The following LRRIQ1 variants were observed in gnomAD, a reference collection of about 807,000 sequenced individuals.
The protein encoded by LRRIQ1 is leucine rich repeats and IQ motif containing 1, also known as leucine-rich repeat- and IQ domain-containing protein 1.
Under a neutral mutation model 211.9 loss-of-function variants are expected in LRRIQ1, and 210 were observed. That is an observed-to-expected ratio of 0.99 (90% CI 0.89 to 1.11). LRRIQ1 has a LOEUF of 1.11. LRRIQ1 is among the 50% of genes most tolerant of loss of function. The pLI is 0.00. For missense variants in LRRIQ1, 2,136 were observed against 1,939.5 expected (o/e 1.10, Z -1.90); for synonymous variants, 699 against 650.1 (o/e 1.08, Z -1.14).
chr12:85,113,749 G>A (rs532411500), intron 15 of LRRIQ1, among the ~76,000 whole-genome samples: 107 of 152,196 alleles, frequency 7.0e-4, no homozygotes, highest in Non-Finnish European at 1.1e-3. Flanking sequence ...ATCAGGAATT[G>A]TGAAACTACA....
rs1230572799 is a variant in LRRIQ1 at position 85,226,129 on chromosome 12, A to G, written c.4823-3388A>G. Among the ~76,000 whole-genome samples the G allele has an allele frequency of 5.3e-5, 8 of 152,248 alleles. No individual in the cohort carries two copies. The East Asian group carries it at 1.5e-3, about 29-fold the overall frequency. ...GAACTTTGGCTGAGTTTTGATGTAA[A>G]ATTACTTAGTGTTTATGAAGTGTTA... On this transcript the variant is annotated intron_variant, in intron 24 of 26. Transcript: ENST00000393217.
rs1336813880 is a variant in LRRIQ1, at chr12:85,046,034, A to AG, written c.352dup (p.Glu118GlyfsTer9). The AG allele has an allele frequency of 6.2e-7, 1 of 1,604,318 alleles. No individual in the cohort carries two copies. The highest frequency in any genetic ancestry group is 1.3e-5 in the African/African-American group (1 of 74,738). ...TAACCTCTTAGATATTATCTGAAAT[A>AG]GAAAAAGAAGAATTTATGAGAAGTA... On this transcript the variant is annotated frameshift_variant, in exon 5 of 27. Transcript: ENST00000393217. LOFTEE classifies it high-confidence loss of function.
chr12:85,146,292 A>T (rs2660460), intron 19 of LRRIQ1, among the ~76,000 whole-genome samples: 85,787 of 151,558 alleles, frequency 0.57, 25,415 homozygotes, highest in African/African-American at 0.75. Flanking sequence ...CTAGGTGGTA[A>T]TTGTCCACCC....
intron 8 of LRRIQ1, among the ~76,000 whole-genome samples, chr12:85,063,016 G>A (rs772930144): frequency 7.9e-5 from 12 of 151,650 alleles, no homozygotes; most frequent in Non-Finnish European, 1.3e-4. Flanking sequence ...AAACATCTCT[G>A]TTCATGTTCT....
intron 6 of LRRIQ1, chr12:85,048,567 A>G (rs533649009): frequency 6.6e-6 from 1 of 152,144 alleles, no homozygotes; most frequent in African/African-American, 2.4e-5. Flanking sequence ...TCAAAAAAAA[A>G]AAAAAAGAAA....
At chr12:85,246,131 T>C (rs1330253835), downstream of LRRIQ1, among the ~76,000 whole-genome samples, 3 of 151,274 alleles carry the variant, frequency 2.0e-5, no homozygotes, top group East Asian at 3.9e-4. Context: ...ACATCTAATT[T>C]TGAAATATTT....
intron 23 of LRRIQ1, among the ~76,000 whole-genome samples, chr12:85,156,115 T>TA (rs1890530085): frequency 6.6e-6 from 1 of 151,796 alleles, no homozygotes; most frequent in Non-Finnish European, 1.5e-5. Flanking sequence ...TGGGGACTGT[T>TA]ACTCCAATAA....
chr12:85,164,152 C>G (rs1287515803), intron 24 of LRRIQ1, among the ~76,000 whole-genome samples: 1 of 152,142 alleles, frequency 6.6e-6, no homozygotes, highest in Non-Finnish European at 1.5e-5. Flanking sequence ...GAACTCAAAA[C>G]AATTTCTTGG....
intron 1 of LRRIQ1, among the ~76,000 whole-genome samples, chr12:85,257,088 AT>A (rs1303019701): frequency 2.1e-5 from 2 of 96,334 alleles, no homozygotes; most frequent in Admixed American, 1.6e-4. Context: ...ATATAATTAT[AT>A]TATATAATTA....
At chr12:85,272,423 A>G in the LRRIQ1 span, among the ~76,000 whole-genome samples, 5 of 152,200 alleles carry the variant, frequency 3.3e-5, no homozygotes, top group Non-Finnish European at 5.9e-5. Flanking sequence ...AAAATAGCAT[A>G]TATGAATCAA....
chr12:85,270,816 A>C, the LRRIQ1 span, among the ~76,000 whole-genome samples: 1 of 152,184 alleles, frequency 6.6e-6, no homozygotes, highest in Non-Finnish European at 1.5e-5. Flanking sequence ...ACATTGAATC[A>C]GAATCTCAGC....
chr12:85,171,671 T>A lies in LRRIQ1; in HGVS notation c.4822+10957T>A, dbSNP rs190857588. On this transcript the variant is annotated intron_variant, in intron 24 of 26. Transcript: ENST00000393217. ...TTTGACTGTATTTGGAGTTAGGAAC[T>A]GAAAGAGGTAATTGAGATAAAATTC... Among the ~76,000 whole-genome samples, 53 of 152,264 alleles carry A rather than the reference T, an allele frequency of 3.5e-4. No individual in the cohort carries two copies. In the East Asian group the frequency reaches 5.8e-3, roughly 17 times the overall value.
chr12:85,179,336 C>A (rs1891869952), intron 24 of LRRIQ1, among the ~76,000 whole-genome samples: 1 of 151,902 alleles, frequency 6.6e-6, no homozygotes, highest in Non-Finnish European at 1.5e-5. Context: ...TGTCCTTGTG[C>A]AGTGCTTTTC....
intron 11 of LRRIQ1, among the ~76,000 whole-genome samples, chr12:85,073,394 C>G (rs1883301605): frequency 6.6e-6 from 1 of 151,928 alleles, no homozygotes; most frequent in South Asian, 2.1e-4. Context: ...AATATTTTTA[C>G]TTTAAAATTT....
intron 11 of LRRIQ1, among the ~76,000 whole-genome samples, chr12:85,086,114 A>G (rs949772990): frequency 6.6e-6 from 1 of 152,070 alleles, no homozygotes; most frequent in African/African-American, 2.4e-5. Context: ...TGACTTTCTT[A>G]CTAATGGCCA....
intron 24 of LRRIQ1, among the ~76,000 whole-genome samples, chr12:85,206,987 C>T (rs1403553528): frequency 1.3e-5 from 2 of 152,142 alleles, no homozygotes; most frequent in Non-Finnish European, 2.9e-5. Flanking sequence ...CCACACCAAA[C>T]CCTTGGAGCT....
At chr12:85,134,605 T>A (rs1888994314) in intron 18 of LRRIQ1, among the ~76,000 whole-genome samples, 1 of 152,056 alleles carries the variant, frequency 6.6e-6, no homozygotes, top group Non-Finnish European at 1.5e-5. Context: ...TGCATTTCCA[T>A]CAAGAATCGT....
At chr12:85,059,484 G>A (rs550325091) in intron 8 of LRRIQ1, among the ~76,000 whole-genome samples, 6 of 151,972 alleles carry the variant, frequency 3.9e-5, no homozygotes, top group Non-Finnish European at 7.4e-5. Flanking sequence ...GCTCCCTGCC[G>A]TTGCCTGACA....
At chr12:85,239,391 A>G (rs867040626) in intron 26 of LRRIQ1, among the ~76,000 whole-genome samples, 9 of 149,482 alleles carry the variant, frequency 6.0e-5, no homozygotes, top group African/African-American at 2.0e-4. Flanking sequence ...ACACACGTGT[A>G]TATATATACA....
Sources: gnomAD v4.1 joint callset for allele counts (sites outside exome capture counted in the v4.1 genomes callset) on GRCh38, gnomAD v4.1.1 for gene constraint, MANE v1.5 for transcripts, NCBI Gene and HGNC (gene_info 2026-07-23, HGNC 2026-07-21) for gene names.